BLTP2: variants seen among roughly 807,000 people sequenced by gnomAD.
The protein encoded by BLTP2 is U937-associated antigen.
the BLTP2 span, chr17:28,638,246 A>G: frequency 1.2e-6 from 2 of 1,609,692 alleles, no homozygotes; most frequent in Non-Finnish European, 1.7e-6. Context: ...CAAAGCCCTC[A>G]CCTACCTGTA....
the BLTP2 span, chr17:28,615,089 T>C: frequency 1.5e-5 from 24 of 1,613,812 alleles, no homozygotes; most frequent in Non-Finnish European, 1.9e-5. Flanking sequence ...AAAGATGGAC[T>C]TCTTGCCAGG....
the BLTP2 span, chr17:28,623,974 A>G: frequency 6.2e-7 from 1 of 1,612,566 alleles, no homozygotes; most frequent in Non-Finnish European, 8.5e-7. Flanking sequence ...CATCTATGCC[A>G]GAGATAGAAG....
At chr17:28,615,040 A>T in the BLTP2 span, 12 of 1,599,122 alleles carry the variant, frequency 7.5e-6, no homozygotes, top group Non-Finnish European at 1.0e-5. Flanking sequence ...CAGATCCTGT[A>T]CTGCAGCCAC....
At chr17:28,618,683 T>C in the BLTP2 span, 1 of 819,626 alleles carries the variant, frequency 1.2e-6, no homozygotes, top group African/African-American at 1.7e-5. Flanking sequence ...TCATTAATAA[T>C]CATACAATAA....
chr17:28,625,647 T>C, the BLTP2 span, among the ~76,000 whole-genome samples: 1 of 152,216 alleles, frequency 6.6e-6, no homozygotes, highest in Non-Finnish European at 1.5e-5. Flanking sequence ...CTAGTCGTTA[T>C]AATTTTCTCC....
At chr17:28,638,941 A>G in the BLTP2 span, 6 of 425,276 alleles carry the variant, frequency 1.4e-5, no homozygotes, top group Admixed American at 2.1e-4. Flanking sequence ...ACCAAGAAGC[A>G]TCACTTCTAA....
chr17:28,629,885 G>A, the BLTP2 span, among the ~76,000 whole-genome samples: 1 of 152,176 alleles, frequency 6.6e-6, no homozygotes, highest in Non-Finnish European at 1.5e-5. Context: ...AAAGTGTAGG[G>A]ATTACAGGTG....
the BLTP2 span, chr17:28,616,064 C>T: frequency 2.3e-5 from 35 of 1,543,102 alleles, no homozygotes; most frequent in Non-Finnish European, 3.0e-5. This position sits in a 1 kb window ranked among gnomAD's most constrained non-coding sequence, Gnocchi z 4.8. Context: ...CCCTTCCCAC[C>T]CTGTTCTACA....
the BLTP2 span, chr17:28,616,948 G>A: frequency 1.9e-6 from 3 of 1,614,112 alleles, no homozygotes; most frequent in Non-Finnish European, 8.5e-7. This position sits in a 1 kb window ranked among gnomAD's most constrained non-coding sequence, Gnocchi z 4.8. Context: ...CTGAAGAGGC[G>A]GAGAGCTAGC....
chr17:28,625,371 GAAAAAGA>G, the BLTP2 span, among the ~76,000 whole-genome samples: 1 of 124,284 alleles, frequency 8.0e-6, no homozygotes, highest in African/African-American at 3.0e-5. Context: ...AAAAGAAAAA[GAAAAAGA>G]AAAAAGAAAA....
chr17:28,617,111 A>C, the BLTP2 span: 1 of 1,182,456 alleles, frequency 8.5e-7, no homozygotes, highest in Non-Finnish European at 1.2e-6. Flanking sequence ...TAAGCTGGGC[A>C]AGCTTTCACC....
At chr17:28,644,173 C>T in the BLTP2 span, 14 of 1,613,748 alleles carry the variant, frequency 8.7e-6, no homozygotes, top group South Asian at 1.4e-4. Context: ...GGTGGCCAAC[C>T]GGACCACAAG....
At chr17:28,625,065 C>T in the BLTP2 span, among the ~76,000 whole-genome samples, 1 of 151,960 alleles carries the variant, frequency 6.6e-6, no homozygotes, top group South Asian at 2.1e-4. Context: ...GGGCCAGGCG[C>T]GGTGGCTCAC....
At chr17:28,628,675 C>A in the BLTP2 span, 1 of 847,844 alleles carries the variant, frequency 1.2e-6, no homozygotes, top group Non-Finnish European at 1.8e-6. Context: ...TGGCTCATGC[C>A]CGTAATCCCA....
the BLTP2 span, chr17:28,634,915 T>C: frequency 1.9e-6 from 3 of 1,613,970 alleles, no homozygotes; most frequent in Middle Eastern, 1.6e-4. Context: ...GTAGTTATCA[T>C]GAAGTTTCAC....
chr17:28,634,566 A>G, the BLTP2 span: 1 of 1,614,152 alleles, frequency 6.2e-7, no homozygotes, highest in Non-Finnish European at 8.5e-7. Flanking sequence ...ACTGAATGAC[A>G]AGATCTAATC....
the BLTP2 span, chr17:28,643,537 GA>G: frequency 1.9e-5 from 29 of 1,490,850 alleles, no homozygotes; most frequent in South Asian, 2.8e-4. Context: ...TGCCTCTGCA[GA>G]AGAGTGTCAC....
chr17:28,643,967 C>T, the BLTP2 span: 7 of 1,465,168 alleles, frequency 4.8e-6, no homozygotes, highest in East Asian at 2.3e-5. Context: ...AGAAAAGCCA[C>T]CAGGATTTCT....
At chr17:28,643,409 T>C in the BLTP2 span, 4 of 1,510,960 alleles carry the variant, frequency 2.6e-6, no homozygotes, top group African/African-American at 2.7e-5. Context: ...CCTAGAAATA[T>C]AGCTCAAATC....
Sources: allele counts gnomAD v4.1 joint callset (sites outside exome capture counted in the v4.1 genomes callset), GRCh38; gene constraint gnomAD v4.1.1; non-coding constraint Gnocchi (gnomAD v3.1); transcripts MANE v1.5; gene names NCBI Gene and HGNC (gene_info 2026-07-23, HGNC 2026-07-21).